PAX7: variants seen among roughly 807,000 people sequenced by gnomAD.
PAX7 encodes paired box protein Pax-7.
In PAX7, 18 loss-of-function variants were observed where a neutral mutation model predicts 50.7. The ratio of observed to expected loss-of-function variants is 0.36; its 90% CI spans 0.25 to 0.53. The LOEUF (loss-of-function observed/expected upper bound fraction) is 0.53, where lower values mean the gene tolerates loss of function less well. Among genes scored for constraint, PAX7 ranks in the 20% least tolerant of loss-of-function variants. The pLI is 0.93. For synonymous variants in PAX7, 310 were observed against 290.4 expected (o/e 1.07, Z -0.69); for missense variants, 644 against 702.9 (o/e 0.92, Z 0.95).
intron 4 of PAX7, among the ~76,000 whole-genome samples, chr1:18,639,225 T>C (rs540003465): frequency 2.4e-4 from 36 of 152,278 alleles, no homozygotes; most frequent in South Asian, 1.2e-3. Flanking sequence ...CTTCCAGGCA[T>C]GGTAAGAAAC....
rs761462605 is a variant in PAX7 at position 18,745,111 on chromosome 1, A to T, written c.*182A>T. ...GCTTGTCACTCACCTGTGGTTAGGG[A>T]TCCAGAGTGATGCCCTTGGAGTCTG... is the stretch of plus-strand genomic sequence containing the variant. On this transcript the variant is annotated 3_prime_UTR_variant, in exon 9 of 9. Transcript: ENST00000420770. 10 of 595,666 alleles carry T rather than the reference A, an allele frequency of 1.7e-5. No homozygotes were observed. The highest frequency in any genetic ancestry group is 2.4e-5 in the Non-Finnish European group (8 of 333,474). 36.9% of individuals were successfully genotyped at this position (595,666 alleles called of 1,614,324 possible).
chr1:18,692,048 G>A (rs1186080785), intron 5 of PAX7, 95 bp downstream of exon 5: 63 of 1,202,102 alleles, frequency 5.2e-5, no homozygotes, highest in South Asian at 4.0e-4. Flanking sequence ...GGGACCCCTC[G>A]GGGGGTTTAC....
intron 4 of PAX7, among the ~76,000 whole-genome samples, chr1:18,641,867 G>T (rs895373865): frequency 2.0e-5 from 3 of 152,086 alleles, no homozygotes; most frequent in African/African-American, 7.2e-5. Flanking sequence ...GGTAAAATAT[G>T]GGCGTCTCAA....
intron 8 of PAX7, among the ~76,000 whole-genome samples, chr1:18,743,782 G>T (rs1435722470): frequency 6.6e-6 from 1 of 152,200 alleles, no homozygotes; most frequent in African/African-American, 2.4e-5. Flanking sequence ...CAAATATAGA[G>T]GCAGGTACCT....
intron 6 of PAX7, among the ~76,000 whole-genome samples, chr1:18,701,697 C>A (rs2089224340): frequency 6.6e-6 from 1 of 152,196 alleles, no homozygotes; most frequent in East Asian, 1.9e-4. Flanking sequence ...TCCCCCCACT[C>A]TGGGGTGAAC....
chr1:18,712,056 C>G (rs1013132879), intron 7 of PAX7, among the ~76,000 whole-genome samples: 2 of 152,318 alleles, frequency 1.3e-5, no homozygotes, highest in Non-Finnish European at 1.5e-5. Context: ...CTTTTTCCCC[C>G]GGTTCTCTTG....
At chr1:18,718,647 C>CTTT (rs11367355) in intron 7 of PAX7, among the ~76,000 whole-genome samples, 1 of 144,112 alleles carries the variant, frequency 6.9e-6, no homozygotes, top group East Asian at 2.0e-4. Flanking sequence ...TTGACCCTTC[C>CTTT]TTTTTTTTTT....
intron 7 of PAX7, among the ~76,000 whole-genome samples, chr1:18,712,478 G>A (rs2089365042): frequency 6.6e-6 from 1 of 152,170 alleles, no homozygotes; most frequent in Non-Finnish European, 1.5e-5. Flanking sequence ...GGAGGGAAAT[G>A]AGGGGGCAGG....
intron 4 of PAX7, among the ~76,000 whole-genome samples, chr1:18,653,920 G>A (rs1010951447): frequency 3.3e-5 from 5 of 152,120 alleles, no homozygotes; most frequent in South Asian, 2.1e-4. Flanking sequence ...CCTGGCAGAC[G>A]TGTGTGCGGT....
intron 4 of PAX7, among the ~76,000 whole-genome samples, chr1:18,649,353 T>C (rs549581100): frequency 4.6e-5 from 7 of 152,238 alleles, no homozygotes; most frequent in African/African-American, 1.7e-4. Context: ...GCCTTAAAGT[T>C]CTGATTCACA....
rs368391257 is a variant in PAX7, at chr1:18,727,340, ACT to A, written c.1156-8286_1156-8285del. Among the ~76,000 whole-genome samples the A allele has an allele frequency of 7.7e-3, 1,090 of 141,940 alleles. 16 individuals carry two copies. The highest frequency in any genetic ancestry group is 0.023 in the African/African-American group (910 of 38,976). 93.1% of individuals were successfully genotyped at this position (141,940 alleles called of 152,430 possible). The stretch of plus-strand genomic sequence containing the variant: ...ACACACAGTATTCACACATGCACAC[ACT>A]CTCTCATCCTCTCTCTCTCTCTCTC... On this transcript the variant is annotated intron_variant, in intron 7 of 8. Coordinates refer to ENST00000420770, the MANE Select transcript of PAX7 (RefSeq NM_001135254.2).
rs2841096 is a variant in PAX7, at chr1:18,701,771, C to A, written c.952+953C>A. Among the ~76,000 whole-genome samples, 1,075 of 152,250 alleles carry A rather than the reference C, an allele frequency of 7.1e-3. 10 individuals are homozygous for A. The highest frequency in any genetic ancestry group is 0.024 in the African/African-American group (977 of 41,550). ...TCAGGTCCTCCTGGGAAGGAGGCCT[C>A]ACTTGAGCCCAGTTCTCCCAGTGGC... On this transcript the variant is annotated intron_variant, in intron 6 of 8. Transcript: ENST00000420770.
chr1:18,675,208 G>T (rs2088807657), intron 4 of PAX7, among the ~76,000 whole-genome samples: 1 of 152,104 alleles, frequency 6.6e-6, no homozygotes, highest in South Asian at 2.1e-4. Context: ...ACCCTCAGCA[G>T]CCCCCTTCTT....
At chr1:18,673,766 A>T (rs966176637) in intron 4 of PAX7, among the ~76,000 whole-genome samples, 4 of 152,194 alleles carry the variant, frequency 2.6e-5, no homozygotes, top group African/African-American at 7.2e-5. Context: ...CCCAGGGTGG[A>T]TGAGGGATTC....
In PAX7 at chr1:18,700,721, C is replaced by T; in HGVS notation, c.855C>T (p.Asn285=). ...QAGANQLAAF[N]HLLPGGFPPT... ...GAGCCAACCAGCTGGCGGCGTTCAA[C>T]CACCTTCTGCCAGGAGGCTTCCCAC... Residue 285 remains asparagine, a synonymous_variant, in exon 6 of 9, where the codon AAC becomes AAT. Transcript: ENST00000420770. This position sits in a 1 kb window ranked among gnomAD's most constrained non-coding sequence, Gnocchi z 4.8. 1.2e-6 allele frequency: 2 copies of T among 1,601,338 alleles called. No homozygotes were observed. The highest frequency in any genetic ancestry group is 1.7e-6 in the Non-Finnish European group (2 of 1,174,806).
chr1:18,645,235 C>T (rs1469937591), intron 4 of PAX7, among the ~76,000 whole-genome samples: 1 of 152,184 alleles, frequency 6.6e-6, no homozygotes, highest in Non-Finnish European at 1.5e-5. Flanking sequence ...CTGGAGTGGC[C>T]CGCGTCGGCG....
At chr1:18,705,989 A>T (rs1248336867) in intron 7 of PAX7, among the ~76,000 whole-genome samples, 1 of 152,164 alleles carries the variant, frequency 6.6e-6, no homozygotes, top group Non-Finnish European at 1.5e-5. Flanking sequence ...GCAGCAGGGC[A>T]GGCCGTGTGT....
At chr1:18,680,838 A>G (rs543646830) in intron 4 of PAX7, among the ~76,000 whole-genome samples, 2 of 152,310 alleles carry the variant, frequency 1.3e-5, no homozygotes, top group South Asian at 4.1e-4. Flanking sequence ...TAATTTCAAG[A>G]TGGACTTAAA....
At position 18,691,869 on chromosome 1, in the gene PAX7, G is replaced by A; in HGVS notation, c.702G>A (p.Lys234=). 3.1e-6 allele frequency: 5 copies of A among 1,614,010 alleles called. No individual in the cohort carries two copies. The highest frequency in any genetic ancestry group is 4.2e-6 in the Non-Finnish European group (5 of 1,179,990). Residue 234 remains lysine (K), a synonymous_variant, in exon 5 of 9, where the codon AAG becomes AAA. Transcript: ENST00000420770. ...FTAEQLEELE[K]AFERTHYPDI... is the part of the protein sequence containing the mutation. ...CCGAGCAGCTGGAGGAGCTGGAGAA[G>A]GCCTTTGAGAGGACCCACTACCCAG... is the stretch of plus-strand genomic sequence containing the variant.
Sources: gnomAD v4.1 joint callset for allele counts (sites outside exome capture counted in the v4.1 genomes callset) on GRCh38, gnomAD v4.1.1 for gene constraint, Gnocchi (gnomAD v3.1) non-coding constraint, MANE v1.5 for transcripts, NCBI Gene and HGNC (gene_info 2026-07-23, HGNC 2026-07-21) for gene names.